Variants in LDHD observed in about 807,000 individuals in gnomAD.
LDHD encodes the protein D-lactate dehydrogenase, mitochondrial.
LDHD carries 58 observed loss-of-function variants against 52.9 expected under a neutral mutation model. The ratio of observed to expected loss-of-function variants is 1.10; its 90% CI spans 0.89 to 1.36. The LOEUF is 1.36. LDHD is among the 40% of genes most tolerant of loss of function. The pLI is 0.00. For synonymous variants in LDHD, 350 were observed against 288.6 expected (o/e 1.21, Z -2.16); for missense variants, 747 against 668.0 (o/e 1.12, Z -1.30).
At chr16:75,115,788 C>G in intron 1 of LDHD, 128 bp from the exon 2 acceptor site, 2 of 590,950 alleles carry the variant, frequency 3.4e-6, no homozygotes, top group Non-Finnish European at 6.0e-6. Flanking sequence ...GCCCCGCTGA[C>G]AACATCCTTG....
rs544871109 is a variant in LDHD, at chr16:75,113,682, G to A, written c.959-20C>T. ...TCTCCTCTGCAGTTGGGGAAGGGGG[G>A]CTGACACCGGGCCGCCACTGAGGCA... is the stretch of plus-strand genomic sequence containing the variant. On this transcript the variant is annotated intron_variant, in intron 7 of 10. Coordinates refer to ENST00000450168, the MANE Select transcript of LDHD (RefSeq NM_194436.3). 4.3e-6 allele frequency: 7 copies of A among 1,612,946 alleles called. No individual in the cohort carries two copies. The South Asian group carries it at 4.4e-5, about 10-fold the overall frequency.
chr16:75,112,976 T>C (rs376905849), intron 8 of LDHD, 52 bp from the exon 9 acceptor site: 6 of 1,383,818 alleles, frequency 4.3e-6, no homozygotes, highest in African/African-American at 4.2e-5. Context: ...GTGTACGGGG[T>C]CACCGTGGTC....
intron 1 of LDHD, among the ~76,000 whole-genome samples, chr16:75,115,963 T>C (rs955999807): frequency 6.6e-6 from 1 of 152,142 alleles, no homozygotes; most frequent in Non-Finnish European, 1.5e-5. Flanking sequence ...CAGGATGGTT[T>C]CAAACTCCTG....
rs918398315 is a variant in LDHD, at chr16:75,111,920, CCTA to C, written c.*433_*435del. ...ATTGGGGGAGGCCCCAAGGAGAAGA[CCTA>C]TCATCATGTCACGGGAGCTCACGTT... On this transcript the variant is annotated 3_prime_UTR_variant, in exon 11 of 11. Coordinates refer to ENST00000450168, the MANE Select transcript of LDHD (RefSeq NM_194436.3). The C allele has an allele frequency of 1.5e-5, 2 of 133,402 alleles. No individual in the cohort carries two copies. Among genetic ancestry groups the C allele is most frequent in the Non-Finnish European group, 1.8e-5 (1 of 56,012 alleles). 8.3% of individuals were successfully genotyped at this position (133,402 alleles called of 1,614,324 possible).
rs2036514339 is a variant in LDHD, at chr16:75,115,046, T to A, written c.328-78A>T. 5 of 1,548,842 alleles carry A rather than the reference T, an allele frequency of 3.2e-6. No homozygotes were observed. The Admixed American group carries it at 7.4e-5, about 23-fold the overall frequency. On this transcript the variant is annotated intron_variant, in intron 3 of 10. Transcript: ENST00000450168. Reference sequence around the variant, plus strand: ...ACGTCCCCGGACCACACCCCGCGGGTGTCCCCCCAGCAGCCAGACCAGACC... The same window carrying A: ...ACGTCCCCGGACCACACCCCGCGGGAGTCCCCCCAGCAGCCAGACCAGACC...
At chr16:75,113,418 C>T (rs2036453813) in intron 8 of LDHD, 117 bp downstream of exon 8, 1 of 1,307,248 alleles carries the variant, frequency 7.6e-7, no homozygotes, top group Non-Finnish European at 1.0e-6. Flanking sequence ...CCTGCTCAGC[C>T]AGGCCCAGCC....
Position 75,114,116 on chromosome 16 carries a change from C to T in LDHD, c.679G>A (p.Gly227Arg). ...NLTGLFVGSE[G>R]TLGLITATTL... ...GTGGCTGTGATGAGGCCCAGCGTCCCCTCGGAGCCCACGAAGAGCCCCGTG... is the reference window on the plus strand; with the variant it reads ...GTGGCTGTGATGAGGCCCAGCGTCCTCTCGGAGCCCACGAAGAGCCCCGTG... Residue 227 changes from glycine (G) to arginine (R), a missense_variant, in exon 6 of 11, where the codon GGG becomes AGG. Transcript: ENST00000450168. The T allele has an allele frequency of 6.2e-7, 1 of 1,612,640 alleles. No homozygotes were observed. Among genetic ancestry groups the T allele is most frequent in the Non-Finnish European group, 8.5e-7 (1 of 1,180,002 alleles).
In LDHD at chr16:75,113,841, A is replaced by G; in HGVS notation, c.859T>C (p.Cys287Arg). ...EFLDEVMMDA[C>R]NRYSKLNCLV... ...CAATTCAGCTTGCTGTACCTGTTGC[A>G]GGCATCCATCATGACTTCATCCAGG... The change falls in exon 7 of 11, where the codon TGC (cysteine) becomes CGC (arginine). Residue 287 changes from cysteine (C) to arginine (R), a missense_variant. Cys to Arg is a radical substitution (Grantham distance 180). Coordinates refer to ENST00000450168, the MANE Select transcript of LDHD (RefSeq NM_194436.3). The G allele has an allele frequency of 6.2e-7, 1 of 1,614,078 alleles. No homozygotes were observed. Among genetic ancestry groups the G allele is most frequent in the Non-Finnish European group, 8.5e-7 (1 of 1,180,022 alleles).
At chr16:75,113,004 G>C in intron 8 of LDHD, 80 bp from the exon 9 acceptor site, 1 of 988,696 alleles carries the variant, frequency 1.0e-6, no homozygotes. Context: ...AGGATGGGTC[G>C]GAGGGCACTG....
At position 75,113,753 on chromosome 16, in the gene LDHD, AG is replaced by A. The variant is rs2036467199; in HGVS notation, c.946del (p.Leu316CysfsTer7). On this transcript the variant is annotated frameshift_variant, in exon 7 of 11. Transcript: ENST00000450168. LOFTEE classifies it high-confidence loss of function. ...CCACCCCAGCATACCTGTGCGCTGC[AG>A]CTGCTCCTCCAGTGCCTGCTGGGAG... ...HGSQQALEEQ[L>X]QRTEEIVQQN... 6.2e-7 allele frequency: 1 copy of A among 1,613,708 alleles called. No individual in the cohort carries two copies.
chr16:75,112,502 C>T lies in LDHD; in HGVS notation c.1309G>A (p.Gly437Arg), dbSNP rs1283312426. The change falls in exon 11 of 11, where the codon GGA becomes AGA. Residue 437 changes from glycine to arginine, a missense_variant. Gly to Arg is a moderately radical substitution (Grantham distance 125). Transcript: ENST00000450168. ...ATGCCATGCTCCCCCGTGCACGTTC[C>T]GTGGAGAGCCAGTGCCCGCCTGGGG... Reference protein sequence around the residue: ...QLGRRALALHGTCTGEHGIGM... With the variant: ...QLGRRALALHRTCTGEHGIGM... The T allele has an allele frequency of 1.9e-6, 3 of 1,613,194 alleles. No homozygotes were observed. The highest frequency in any genetic ancestry group is 1.7e-6 in the Non-Finnish European group (2 of 1,179,852).
rs2036509486 is a variant in LDHD at position 75,114,894 on chromosome 16, C to T, written c.402G>A (p.Val134=). 6 of 1,613,944 alleles carry T rather than the reference C, an allele frequency of 3.7e-6. No homozygotes were observed. The highest frequency in any genetic ancestry group is 5.1e-6 in the Non-Finnish European group (6 of 1,180,006). ...ELNQEDFSVV[V]EPGVTRKALN... is the part of the protein sequence containing the mutation. ...GGGCTTTGCGGGTGACACCTGGCTCCACCACCACAGAGAAGTCCTCCTGGT... is the reference window on the plus strand; with the variant it reads ...GGGCTTTGCGGGTGACACCTGGCTCTACCACCACAGAGAAGTCCTCCTGGT... The change falls in exon 4 of 11, where the codon GTG becomes GTA. Residue 134 remains valine (V), a synonymous_variant. Transcript: ENST00000450168.
rs781072766 is a variant in LDHD at position 75,114,691 on chromosome 16, G to A, written c.470-6C>T. 1.3e-6 allele frequency: 2 copies of A among 1,534,954 alleles called. No individual in the cohort carries two copies. The highest frequency in any genetic ancestry group is 1.8e-6 in the Non-Finnish European group (2 of 1,139,692). ...AGAGGCGTCCGCGCCTGGGTCTGGA[G>A]GGCGGCGTACAGAAGGCAGCCTCAG... On this transcript the variant is annotated splice_polypyrimidine_tract_variant and splice_region_variant and intron_variant, in intron 4 of 10. Coordinates refer to ENST00000450168, the MANE Select transcript of LDHD (RefSeq NM_194436.3).
rs753925578 is a variant in LDHD at position 75,113,669 on chromosome 16, T to A, written c.959-7A>T. 1 of 1,612,942 alleles carries A rather than the reference T, an allele frequency of 6.2e-7. No individual in the cohort carries two copies. Among genetic ancestry groups the A allele is most frequent in the Non-Finnish European group, 8.5e-7 (1 of 1,179,720 alleles). On this transcript the variant is annotated splice_polypyrimidine_tract_variant and splice_region_variant and intron_variant, in intron 7 of 10. Transcript: ENST00000450168. ...TTCTGCTGGACTATCTCCTCTGCAGTTGGGGAAGGGGGGCTGACACCGGGC... is the reference window on the plus strand; with the variant it reads ...TTCTGCTGGACTATCTCCTCTGCAGATGGGGAAGGGGGGCTGACACCGGGC...
At position 75,113,975 on chromosome 16, in the gene LDHD, C is replaced by T; in HGVS notation, c.820G>A (p.Ala274Thr). 1 of 1,599,144 alleles carries T rather than the reference C, an allele frequency of 6.3e-7. No individual in the cohort carries two copies. Among genetic ancestry groups the T allele is most frequent in the Non-Finnish European group, 8.5e-7 (1 of 1,172,106 alleles). Reference protein sequence around the residue: ...VHILQAAVPVARIEFLDEVMM... With the variant: ...VHILQAAVPVTRIEFLDEVMM... ...CCCATCCTCAGCTCACCAATGCGGGCTACGGGCACTGCAGCCTGGAGGATG... is the reference window on the plus strand; with the variant it reads ...CCCATCCTCAGCTCACCAATGCGGGTTACGGGCACTGCAGCCTGGAGGATG... Residue 274 changes from alanine to threonine, a missense_variant, in exon 6 of 11, where the codon GCC becomes ACC. Transcript: ENST00000450168.
chr16:75,116,192 A>G lies in LDHD; in HGVS notation c.72+457T>C, dbSNP rs565579828. On this transcript the variant is annotated intron_variant, in intron 1 of 10. Coordinates refer to ENST00000450168, the MANE Select transcript of LDHD (RefSeq NM_194436.3). ...GCACCACCCCAGCCACAGGGAACTC[A>G]GAGCTTGATAAGGGAATTAGGGGGA... Among the ~76,000 whole-genome samples, 56 of 152,306 alleles carry G rather than the reference A, an allele frequency of 3.7e-4. No homozygotes were observed. In the South Asian group the frequency reaches 0.011, roughly 29 times the overall value.
At chr16:75,113,389 G>A in intron 8 of LDHD, 146 bp downstream of exon 8, 1 of 965,450 alleles carries the variant, frequency 1.0e-6, no homozygotes, top group Non-Finnish European at 1.5e-6. Flanking sequence ...GGGGCGGTCT[G>A]CAGCCCTTGT....
At chr16:75,115,686 G>C in intron 1 of LDHD, 26 bp from the exon 2 acceptor site, 1 of 1,460,598 alleles carries the variant, frequency 6.8e-7, no homozygotes, top group Non-Finnish European at 9.4e-7. Context: ...ACACTGCCAG[G>C]GTCCCCCGAA....
chr16:75,113,894 C>T (rs765504513), intron 6 of LDHD, 24 bp from the exon 7 acceptor site: 16 of 1,613,232 alleles, frequency 9.9e-6, no homozygotes, highest in Non-Finnish European at 1.3e-5. Flanking sequence ...GATGGCAGGC[C>T]AGGTGAGGCC....
Sources: gnomAD v4.1 joint callset for allele counts (sites outside exome capture counted in the v4.1 genomes callset) on GRCh38, gnomAD v4.1.1 for gene constraint, MANE v1.5 for transcripts, NCBI Gene and HGNC (gene_info 2026-07-23, HGNC 2026-07-21) for gene names.